Variants in AKT3 observed in about 807,000 individuals in gnomAD.
The protein encoded by AKT3 is AKT serine/threonine kinase 3.
Under a neutral mutation model 65.3 loss-of-function variants are expected in AKT3, and 15 were observed. The ratio of observed to expected loss-of-function variants is 0.23; its 90% CI spans 0.15 to 0.35. The LOEUF (loss-of-function observed/expected upper bound fraction) is 0.35. Among genes scored for constraint, AKT3 ranks in the 10% least tolerant of loss-of-function variants. The probability of loss-of-function intolerance (pLI) is 1.00; values close to 1 mark genes in which losing one functional copy is unlikely to be tolerated. For missense variants in AKT3, 243 were observed against 576.5 expected (o/e 0.42, Z 5.92); for synonymous variants, 206 against 183.8 (o/e 1.12, Z -0.98).
At chr1:243,727,830 A>G (rs1687308803) in intron 2 of AKT3, among the ~76,000 whole-genome samples, 1 of 152,200 alleles carries the variant, frequency 6.6e-6, no homozygotes, top group Non-Finnish European at 1.5e-5. Flanking sequence ...TATCAAACTA[A>G]AAAATTTGAT....
At chr1:243,745,490 G>A (rs1449965614) in intron 2 of AKT3, among the ~76,000 whole-genome samples, 4 of 152,072 alleles carry the variant, frequency 2.6e-5, no homozygotes, top group African/African-American at 7.2e-5. Context: ...ACAAAAACAG[G>A]AAAAGTGATT....
intron 3 of AKT3, among the ~76,000 whole-genome samples, chr1:243,675,147 A>G (rs1436013314): frequency 1.3e-5 from 2 of 152,208 alleles, no homozygotes; most frequent in African/African-American, 4.8e-5. Context: ...ATCAGTGCAT[A>G]CATACCACAG....
At chr1:243,773,952 A>C (rs1428287363) in intron 2 of AKT3, among the ~76,000 whole-genome samples, 1 of 152,212 alleles carries the variant, frequency 6.6e-6, no homozygotes, top group Non-Finnish European at 1.5e-5. Flanking sequence ...ATCATTTTTA[A>C]GATAACTTAA....
At position 243,850,100 on chromosome 1, in the gene AKT3, A is replaced by C; in HGVS notation, c.-173T>G. The C allele has an allele frequency of 9.8e-6, 1 of 102,192 alleles. No individual in the cohort carries two copies. The allele number at this position is 102,192 out of a possible 1,614,324, so 6.3% of individuals were successfully genotyped here. A position where few individuals can be genotyped will look rare whatever the true frequency, so the allele number is the denominator to read the frequency against. ...CTGCTCGGGCGGCGGCGGAGGATGG[A>C]GCCGGGGGGGGGCGGGGGGAGGAGA... On this transcript the variant is annotated 5_prime_UTR_variant, in exon 1 of 14. Coordinates refer to ENST00000673466, the MANE Select transcript of AKT3 (RefSeq NM_005465.7).
chr1:243,589,135 G>A (rs541265061), intron 8 of AKT3, among the ~76,000 whole-genome samples: 53 of 151,540 alleles, frequency 3.5e-4, no homozygotes, highest in African/African-American at 1.2e-3. Flanking sequence ...GTGAAACCCC[G>A]TCTCTACTAA....
At chr1:243,541,909 GTGAAAATGAAATT>G (rs1296307419) in intron 12 of AKT3, among the ~76,000 whole-genome samples, 1 of 152,108 alleles carries the variant, frequency 6.6e-6, no homozygotes, top group Admixed American at 6.6e-5. Context: ...GTAAAACAAA[GTGAAAATGAAATT>G]TTAAATATCA....
In AKT3 at chr1:243,500,401, T is replaced by TGTC. The variant is rs1327655676; in HGVS notation, c.*4845_*4847dup. The stretch of plus-strand genomic sequence containing the variant: ...CAAAAAAGCATCTTTGGCTCGGTGG[T>TGTC]GTCAGATTTTTTTCTTCAATACGCA... On this transcript the variant is annotated 3_prime_UTR_variant, in exon 14 of 14. Transcript: ENST00000673466. 4.4e-6 allele frequency: 1 copy of TGTC among 225,596 alleles called. No individual in the cohort carries two copies. Among genetic ancestry groups the TGTC allele is most frequent in the Non-Finnish European group, 8.8e-6 (1 of 113,446 alleles). The allele number at this position is 225,596 out of a possible 1,614,324, so 14.0% of individuals were successfully genotyped here.
intron 12 of AKT3, among the ~76,000 whole-genome samples, chr1:243,537,078 A>T (rs758259233): frequency 3.9e-5 from 6 of 152,194 alleles, no homozygotes; most frequent in Non-Finnish European, 7.4e-5. Context: ...AACTCAGGAA[A>T]GTTCCACTTC....
intron 8 of AKT3, among the ~76,000 whole-genome samples, chr1:243,613,439 AG>A (rs1678050522): frequency 6.6e-6 from 1 of 152,168 alleles, no homozygotes; most frequent in African/African-American, 2.4e-5. Flanking sequence ...TTAAAAACAC[AG>A]GAAAAAGAAG....
chr1:243,594,188 T>A (rs893695750), intron 8 of AKT3, among the ~76,000 whole-genome samples: 1 of 152,140 alleles, frequency 6.6e-6, no homozygotes, highest in Non-Finnish European at 1.5e-5. Flanking sequence ...AAAATTGGAA[T>A]AGGTAAAGAA....
chr1:243,649,378 G>GCA (rs1558683323), intron 4 of AKT3, among the ~76,000 whole-genome samples: 2 of 149,490 alleles, frequency 1.3e-5, no homozygotes, highest in African/African-American at 5.0e-5. Context: ...GTGTGTGTGT[G>GCA]TATATATATA....
At chr1:243,628,645 G>T (rs538356174) in intron 6 of AKT3, among the ~76,000 whole-genome samples, 9 of 152,234 alleles carry the variant, frequency 5.9e-5, no homozygotes, top group African/African-American at 2.2e-4. Context: ...CATCTGTAAA[G>T]CTACCAGATC....
At chr1:243,788,245 T>C (rs1398183046) in intron 2 of AKT3, among the ~76,000 whole-genome samples, 1 of 152,066 alleles carries the variant, frequency 6.6e-6, no homozygotes, top group Admixed American at 6.5e-5. Context: ...GAACAAAACA[T>C]AGGAAAAAAA....
chr1:243,675,749 TC>T (rs1446966851), intron 3 of AKT3, among the ~76,000 whole-genome samples: 2 of 152,192 alleles, frequency 1.3e-5, no homozygotes, highest in African/African-American at 4.8e-5. Context: ...TGGCTCCCTA[TC>T]CTTTGAGTCC....
chr1:243,508,961 T>G lies in AKT3; in HGVS notation c.1354+3363A>C, dbSNP rs899872385. 6.6e-5 allele frequency among the ~76,000 whole-genome samples: 10 copies of G among 152,026 alleles called. No individual in the cohort carries two copies. In the East Asian group the frequency reaches 7.7e-4, roughly 12 times the overall value. The stretch of plus-strand genomic sequence containing the variant: ...TGCTGGGATTACAGGTGTGCACCAC[T>G]GCGCCTAGACAAAAGCCAGACTTTT... On this transcript the variant is annotated intron_variant, in intron 13 of 13. Transcript: ENST00000673466.
At chr1:243,635,801 T>C (rs1280945536) in intron 6 of AKT3, among the ~76,000 whole-genome samples, 1 of 152,048 alleles carries the variant, frequency 6.6e-6, no homozygotes, top group African/African-American at 2.4e-5. Flanking sequence ...AAATCATTTC[T>C]TCCCTGATAT....
rs192717437 is a variant in AKT3, at chr1:243,807,428, G to A, written c.46+35697C>T. Among the ~76,000 whole-genome samples the A allele has an allele frequency of 1.2e-3, 176 of 152,274 alleles. 1 individual carries two copies. Among genetic ancestry groups the A allele is most frequent in the Admixed American group, 2.4e-3 (37 of 15,300 alleles). The stretch of plus-strand genomic sequence containing the variant: ...GAGGGTCCTATGCCCACAGAGCCTC[G>A]CTCGTTGCTAGCACAGCAGTCTGAG... On this transcript the variant is annotated intron_variant, in intron 2 of 13. Coordinates refer to ENST00000673466, the MANE Select transcript of AKT3 (RefSeq NM_005465.7).
At chr1:243,621,646 A>G (rs1678759929) in intron 6 of AKT3, among the ~76,000 whole-genome samples, 1 of 152,218 alleles carries the variant, frequency 6.6e-6, no homozygotes, top group Non-Finnish European at 1.5e-5. Flanking sequence ...AATCAGTGAC[A>G]TAAACTGGAG....
chr1:243,494,099 C>T (rs2148296644), intron 13 of AKT3, among the ~76,000 whole-genome samples: 1 of 152,240 alleles, frequency 6.6e-6, no homozygotes, highest in Middle Eastern at 3.4e-3. Flanking sequence ...ACAGATGGCG[C>T]TTGAATAGAA....
Sources: gnomAD v4.1 joint callset for allele counts (sites outside exome capture counted in the v4.1 genomes callset) on GRCh38, gnomAD v4.1.1 for gene constraint, MANE v1.5 for transcripts, NCBI Gene and HGNC (gene_info 2026-07-23, HGNC 2026-07-21) for gene names.